Variants in FOXP2 observed in about 807,000 individuals in gnomAD.
FOXP2 encodes the protein forkhead box P2, also known as forkhead box protein P2.
Under a neutral mutation model 115.8 loss-of-function variants are expected in FOXP2, and 12 were observed. The observed-to-expected ratio is 0.10, with a 90% confidence interval of 0.07 to 0.17. The LOEUF (loss-of-function observed/expected upper bound fraction) is 0.17. FOXP2 is among the 10% of genes least tolerant of loss of function. The pLI is 1.00. For missense variants in FOXP2, 629 were observed against 843.5 expected, an observed-to-expected ratio of 0.75 and a Z score of 3.15; for synonymous variants, 328 against 297.7, an observed-to-expected ratio of 1.10 and a Z score of -1.05.
chr7:114,201,658 A>G (rs571241013), intron 1 of FOXP2, among the ~76,000 whole-genome samples: 1 of 152,156 alleles, frequency 6.6e-6, no homozygotes, highest in Non-Finnish European at 1.5e-5. Context: ...GATTTAAAGC[A>G]TGTCTAGAAC....
intron 3 of FOXP2, among the ~76,000 whole-genome samples, chr7:114,547,063 G>C (rs1316843343): frequency 1.3e-5 from 2 of 152,156 alleles, no homozygotes; most frequent in East Asian, 1.9e-4. Flanking sequence ...CTTAGAAGCA[G>C]ATATGAATAT....
At chr7:114,324,809 T>C (rs1323589114) in intron 2 of FOXP2, among the ~76,000 whole-genome samples, 3 of 151,958 alleles carry the variant, frequency 2.0e-5, no homozygotes, top group African/African-American at 7.2e-5. Context: ...CTAGTACTTA[T>C]TTTGTCATAA....
intron 1 of FOXP2, among the ~76,000 whole-genome samples, chr7:114,237,693 G>A (rs1052672846): frequency 6.6e-6 from 1 of 151,386 alleles, no homozygotes; most frequent in Non-Finnish European, 1.5e-5. Flanking sequence ...TCTATTTTAG[G>A]CAGGGCTCAG....
chr7:114,586,124 A>G (rs1000896887), intron 3 of FOXP2, among the ~76,000 whole-genome samples: 6 of 152,138 alleles, frequency 3.9e-5, no homozygotes, highest in African/African-American at 1.2e-4. Flanking sequence ...AGTTTTGCCT[A>G]CAAAATACAA....
chr7:114,320,984 G>A (rs1013802916), intron 2 of FOXP2, among the ~76,000 whole-genome samples: 1 of 151,870 alleles, frequency 6.6e-6, no homozygotes, highest in Non-Finnish European at 1.5e-5. Context: ...AAAATTCTAC[G>A]GGAAATAATT....
intron 2 of FOXP2, among the ~76,000 whole-genome samples, chr7:114,479,386 C>T (rs568098904): frequency 4.4e-4 from 67 of 151,430 alleles, no homozygotes; most frequent in African/African-American, 1.4e-3. Context: ...CTGTGTGTTA[C>T]GCTTGGTCAA....
intron 2 of FOXP2, among the ~76,000 whole-genome samples, chr7:114,392,643 G>C (rs1360952328): frequency 6.6e-6 from 1 of 152,244 alleles, no homozygotes; most frequent in East Asian, 1.9e-4. Context: ...TGATGTCTCT[G>C]GTCTTCTTTC....
intron 2 of FOXP2, among the ~76,000 whole-genome samples, chr7:114,466,078 T>G (rs1176411406): frequency 6.6e-6 from 1 of 152,206 alleles, no homozygotes; most frequent in Non-Finnish European, 1.5e-5. Context: ...TTGGAGCTTC[T>G]CTTCTTGTTC....
Position 114,490,956 on chromosome 7 carries a change from T to C in FOXP2, c.169-43661T>C, listed in dbSNP as rs905760706. Among the ~76,000 whole-genome samples the C allele has an allele frequency of 8.7e-4, 133 of 152,230 alleles. 1 individual carries two copies. Among genetic ancestry groups the C allele is most frequent in the Middle Eastern group, 3.4e-3 (1 of 294 alleles). ...GTCTTTGCTATTGTGAATAGTGCCGTAATAAACATACGTGTGCATGTGTCT... is the reference window on the plus strand; with the variant it reads ...GTCTTTGCTATTGTGAATAGTGCCGCAATAAACATACGTGTGCATGTGTCT... On this transcript the variant is annotated intron_variant, in intron 2 of 16. Transcript: ENST00000350908.
chr7:114,385,191 C>G (rs1326188434), intron 2 of FOXP2, among the ~76,000 whole-genome samples: 3 of 151,998 alleles, frequency 2.0e-5, no homozygotes, highest in African/African-American at 7.2e-5. Flanking sequence ...ATAAGACTCC[C>G]TGGGTTATAG....
At chr7:114,176,232 T>TTTCTCTCTCTCTCTCTTTCCC (rs1562992731) in intron 1 of FOXP2, among the ~76,000 whole-genome samples, 2 of 146,678 alleles carry the variant, frequency 1.4e-5, no homozygotes, top group African/African-American at 5.4e-5. Flanking sequence ...TTGTCTTGTC[T>TTTCTCTCTCTCTCTCTTTCCC]TTTCTTTCTT....
At chr7:114,561,242 C>T (rs889426081) in intron 3 of FOXP2, 9 of 152,178 alleles carry the variant, frequency 5.9e-5, no homozygotes, top group Non-Finnish European at 4.4e-5. Context: ...CAACAGATTT[C>T]GTCTATGTTA....
chr7:114,588,442 A>G (rs1273185756), intron 3 of FOXP2, among the ~76,000 whole-genome samples: 4 of 152,220 alleles, frequency 2.6e-5, no homozygotes, highest in African/African-American at 9.6e-5. Flanking sequence ...CCTCAACCCC[A>G]GAAGAAAACA....
At chr7:114,425,736 T>C (rs990929668) in intron 1 of FOXP2, among the ~76,000 whole-genome samples, 1 of 151,682 alleles carries the variant, frequency 6.6e-6, no homozygotes. Flanking sequence ...TATGTTAAAA[T>C]TGAGTTTTAA....
chr7:114,659,282 G>C, intron 11 of FOXP2, 74 bp from the exon 12 acceptor site: 1 of 1,090,624 alleles, frequency 9.2e-7, no homozygotes, highest in Non-Finnish European at 1.4e-6. Context: ...ACCAATACTA[G>C]AGGAAATATG....
At chr7:114,652,788 T>C (rs1020077070) in intron 9 of FOXP2, among the ~76,000 whole-genome samples, 1 of 152,204 alleles carries the variant, frequency 6.6e-6, no homozygotes, top group African/African-American at 2.4e-5. Context: ...AAAATCTTTA[T>C]ACTTTTCTTT....
chr7:114,688,050 A>G (rs1186652032), intron 16 of FOXP2, among the ~76,000 whole-genome samples: 1 of 151,984 alleles, frequency 6.6e-6, no homozygotes, highest in Non-Finnish European at 1.5e-5. Flanking sequence ...AGTATGGATG[A>G]AACTGCAAAA....
At chr7:114,506,191 C>T (rs1480807719) in intron 2 of FOXP2, among the ~76,000 whole-genome samples, 1 of 151,630 alleles carries the variant, frequency 6.6e-6, no homozygotes. Context: ...GAGACATGAA[C>T]AATGACACTG....
chr7:114,571,100 G>C (rs1281208631), intron 3 of FOXP2, among the ~76,000 whole-genome samples: 1 of 151,902 alleles, frequency 6.6e-6, no homozygotes, highest in Non-Finnish European at 1.5e-5. Flanking sequence ...ACATTTCACA[G>C]TTTCTGTGAG....
Sources: allele counts gnomAD v4.1 joint callset (sites outside exome capture counted in the v4.1 genomes callset), GRCh38; gene constraint gnomAD v4.1.1; transcripts MANE v1.5; gene names NCBI Gene and HGNC (gene_info 2026-07-23, HGNC 2026-07-21).